Variants in PHACTR1 observed in about 807,000 individuals in gnomAD.
PHACTR1 encodes RPEL repeat containing 1.
Under a neutral mutation model 69.2 loss-of-function variants are expected in PHACTR1, and 16 were observed. That is an observed-to-expected ratio of 0.23 (90% CI 0.16 to 0.35). PHACTR1 has a LOEUF of 0.35. Among genes scored for constraint, PHACTR1 ranks in the 10% least tolerant of loss-of-function variants. The pLI is 1.00. For missense variants in PHACTR1, 510 were observed against 734.7 expected, an observed-to-expected ratio of 0.69 and a Z score of 3.54; for synonymous variants, 312 against 284.5, an observed-to-expected ratio of 1.10 and a Z score of -0.97.
At chr6:12,799,083 C>T (rs1773416256) in intron 4 of PHACTR1, among the ~76,000 whole-genome samples, 1 of 152,198 alleles carries the variant, frequency 6.6e-6, no homozygotes. Flanking sequence ...TAAGTGACAA[C>T]TTCTAAATGT....
intron 4 of PHACTR1, among the ~76,000 whole-genome samples, chr6:12,944,777 A>ATTTTTTTTTTTTTTT (rs757721726): frequency 1.5e-5 from 2 of 135,764 alleles, no homozygotes; most frequent in African/African-American, 5.8e-5. Flanking sequence ...TTATTTATTT[A>ATTTTTTTTTTTTTTT]TTTTTATTTA....
intron 4 of PHACTR1, among the ~76,000 whole-genome samples, chr6:13,048,391 A>G (rs1167577641): frequency 6.6e-6 from 1 of 152,170 alleles, no homozygotes; most frequent in Non-Finnish European, 1.5e-5. Flanking sequence ...ATTTCCAAAA[A>G]AGGCTGTTTG....
At chr6:12,877,266 G>A (rs555522410) in intron 4 of PHACTR1, among the ~76,000 whole-genome samples, 1 of 152,204 alleles carries the variant, frequency 6.6e-6, no homozygotes, top group Non-Finnish European at 1.5e-5. Flanking sequence ...TGACTTGTAT[G>A]TATGCTTGTT....
intron 4 of PHACTR1, among the ~76,000 whole-genome samples, chr6:12,823,590 A>G (rs1776450204): frequency 6.6e-6 from 1 of 152,320 alleles, no homozygotes; most frequent in East Asian, 1.9e-4. Context: ...TCCATATGGA[A>G]TGTGAAAGTT....
chr6:13,105,547 T>A (rs1815981039), intron 5 of PHACTR1, among the ~76,000 whole-genome samples: 1 of 152,138 alleles, frequency 6.6e-6, no homozygotes, highest in Admixed American at 6.5e-5. Context: ...ATCCAGTTAG[T>A]GCAAACCCCA....
intron 10 of PHACTR1, among the ~76,000 whole-genome samples, chr6:13,238,828 G>T (rs2127365827): frequency 6.6e-6 from 1 of 152,250 alleles, no homozygotes; most frequent in Non-Finnish European, 1.5e-5. Context: ...TCTAAAAATA[G>T]GAATAACAAT....
intron 4 of PHACTR1, among the ~76,000 whole-genome samples, chr6:12,993,596 G>C (rs1797069185): frequency 6.6e-6 from 1 of 152,170 alleles, no homozygotes; most frequent in South Asian, 2.1e-4. Flanking sequence ...TCGAAGTCCT[G>C]CCCATAGATA....
chr6:12,902,029 A>C (rs1208189664), intron 4 of PHACTR1, among the ~76,000 whole-genome samples: 1 of 152,122 alleles, frequency 6.6e-6, no homozygotes, highest in Non-Finnish European at 1.5e-5. Context: ...GGCATCTAAC[A>C]GTGTAGCCAG....
chr6:12,758,496 G>C (rs1483433862), intron 4 of PHACTR1, among the ~76,000 whole-genome samples: 1 of 144,956 alleles, frequency 6.9e-6, no homozygotes, highest in Non-Finnish European at 1.5e-5. Context: ...AGGGCCCAGA[G>C]ATAAATATTT....
chr6:13,062,202 A>T (rs1320823476), intron 5 of PHACTR1, among the ~76,000 whole-genome samples: 2 of 152,212 alleles, frequency 1.3e-5, no homozygotes, highest in Admixed American at 1.3e-4. Context: ...CTGATGTAAT[A>T]GTATGTATGC....
chr6:13,161,037 T>C (rs1224860188), intron 6 of PHACTR1, among the ~76,000 whole-genome samples: 1 of 152,082 alleles, frequency 6.6e-6, no homozygotes, highest in African/African-American at 2.4e-5. Context: ...TGGAGTGCAG[T>C]GATGCAATCA....
chr6:12,742,088 AT>A (rs1361603692), intron 3 of PHACTR1, among the ~76,000 whole-genome samples: 1 of 147,464 alleles, frequency 6.8e-6, no homozygotes, highest in Non-Finnish European at 1.5e-5. Context: ...TTTGGGGGGG[AT>A]TTTTTGTCTG....
At chr6:13,197,029 G>A (rs922778568) in intron 7 of PHACTR1, among the ~76,000 whole-genome samples, 1 of 152,158 alleles carries the variant, frequency 6.6e-6, no homozygotes, top group Non-Finnish European at 1.5e-5. Flanking sequence ...TGTGGTGAAA[G>A]CCCTATTAGC....
chr6:12,932,821 C>T (rs1477506653), intron 4 of PHACTR1, among the ~76,000 whole-genome samples: 1 of 152,124 alleles, frequency 6.6e-6, no homozygotes, highest in Non-Finnish European at 1.5e-5. Context: ...AGTTAAACAA[C>T]TGACCTTGGT....
At position 13,221,982 on chromosome 6, in the gene PHACTR1, C is replaced by A. The variant is rs543166268; in HGVS notation, c.987-5834C>A. Among the ~76,000 whole-genome samples, 14 of 151,972 alleles carry A rather than the reference C, an allele frequency of 9.2e-5. No homozygotes were observed. The South Asian group carries it at 2.1e-3, about 23-fold the overall frequency. ...TCCAGGAGGCGGAGGTTGCAGTGAG[C>A]CGAGATCACGCCACTGCACTCCAGC... On this transcript the variant is annotated intron_variant, in intron 8 of 14. Coordinates refer to ENST00000332995, the MANE Select transcript of PHACTR1 (RefSeq NM_030948.6).
chr6:13,199,304 A>G (rs538524837), intron 7 of PHACTR1, among the ~76,000 whole-genome samples: 101 of 142,654 alleles, frequency 7.1e-4, no homozygotes, highest in Middle Eastern at 3.8e-3. Flanking sequence ...GAATTGCTTG[A>G]ACCTGGGAGG....
At chr6:13,285,038 C>T (rs1254877515) in intron 13 of PHACTR1, among the ~76,000 whole-genome samples, 1 of 152,190 alleles carries the variant, frequency 6.6e-6, no homozygotes, top group Non-Finnish European at 1.5e-5. Context: ...CATCTAAATA[C>T]GAAGAGGAAG....
chr6:12,906,801 A>G (rs895363719), intron 4 of PHACTR1, among the ~76,000 whole-genome samples: 11 of 152,178 alleles, frequency 7.2e-5, no homozygotes, highest in Admixed American at 1.3e-4. Flanking sequence ...AAGAACTCCA[A>G]TTGGCTCTGG....
intron 4 of PHACTR1, among the ~76,000 whole-genome samples, chr6:12,796,666 A>G (rs192319440): frequency 3.9e-5 from 6 of 152,344 alleles, no homozygotes; most frequent in Admixed American, 3.9e-4. Flanking sequence ...TATGGTTTGC[A>G]GTAAATGAAG....
Sources: allele counts gnomAD v4.1 joint callset (sites outside exome capture counted in the v4.1 genomes callset), GRCh38; gene constraint gnomAD v4.1.1; transcripts MANE v1.5; gene names NCBI Gene and HGNC (gene_info 2026-07-23, HGNC 2026-07-21).